Variants in FBXL2 observed in about 807,000 individuals in gnomAD.
FBXL2 encodes F-box/LRR-repeat protein 2.
Under a neutral mutation model 69.2 loss-of-function variants are expected in FBXL2, and 38 were observed. The observed-to-expected ratio is 0.55, with a 90% confidence interval of 0.42 to 0.72. The LOEUF is 0.72. FBXL2 is among the 30% of genes least tolerant of loss of function. FBXL2 has a pLI of 0.00. For missense variants in FBXL2, 354 were observed against 520.3 expected (o/e 0.68, Z 3.11); for synonymous variants, 192 against 201.3 (o/e 0.95, Z 0.39).
intron 12 of FBXL2, among the ~76,000 whole-genome samples, chr3:33,395,411 TACAA>T (rs2043935756): frequency 6.6e-6 from 1 of 152,020 alleles, no homozygotes; most frequent in Admixed American, 6.6e-5. Context: ...CATATATCCA[TACAA>T]TAAATGAGAA....
chr3:33,297,607 T>C (rs2035858919), intron 1 of FBXL2, 57 bp from the exon 2 acceptor site: 1 of 1,118,802 alleles, frequency 8.9e-7, no homozygotes, highest in South Asian at 1.4e-5. Flanking sequence ...AACAATTAAT[T>C]TTTTCCACAT....
the FBXL2 span, among the ~76,000 whole-genome samples, chr3:33,413,649 G>A: frequency 6.6e-6 from 1 of 151,676 alleles, no homozygotes; most frequent in Admixed American, 6.6e-5. Flanking sequence ...ACTTAGGCCA[G>A]GTGCGGTGGG....
chr3:33,367,813 T>C (rs536762883), intron 5 of FBXL2, among the ~76,000 whole-genome samples: 2 of 152,308 alleles, frequency 1.3e-5, no homozygotes, highest in East Asian at 3.9e-4. Context: ...GCTGAAGTCA[T>C]TGGTTTGAGA....
At chr3:33,278,076 T>C (rs953510056) in intron 1 of FBXL2, 1 of 152,142 alleles carries the variant, frequency 6.6e-6, no homozygotes, top group Non-Finnish European at 1.5e-5. Flanking sequence ...GGCATTAAGC[T>C]GGAGGGTTTT....
At chr3:33,404,327 G>A (rs564063419), downstream of FBXL2, among the ~76,000 whole-genome samples, 18 of 152,106 alleles carry the variant, frequency 1.2e-4, no homozygotes, top group African/African-American at 4.8e-5. Flanking sequence ...CAGGAGAATC[G>A]CTTGAACCTG....
rs199990568 is a variant in FBXL2 at position 33,373,323 on chromosome 3, G to A, written c.423G>A (p.Val141=). ...AACATCTGGATCTGACCTCCTGTGT[G>A]TCTATTACAAACAGCTCCTTGAAGG... ...KLKHLDLTSC[V]SITNSSLKGI... The change falls in exon 7 of 15, where the codon GTG becomes GTA. Residue 141 remains valine (V), a synonymous_variant. Coordinates refer to ENST00000484457, the MANE Select transcript of FBXL2 (RefSeq NM_012157.5). 122 of 1,614,004 alleles carry A rather than the reference G, an allele frequency of 7.6e-5. No homozygotes were observed. The highest frequency in any genetic ancestry group is 1.2e-4 in the Admixed American group (7 of 60,018).
At chr3:33,357,355 C>CA (rs2041273920) in intron 2 of FBXL2, among the ~76,000 whole-genome samples, 1 of 152,136 alleles carries the variant, frequency 6.6e-6, no homozygotes. Flanking sequence ...AGCTGATAAT[C>CA]AGATGTGGCT....
the FBXL2 span, among the ~76,000 whole-genome samples, chr3:33,421,085 G>C: frequency 6.6e-6 from 1 of 152,196 alleles, no homozygotes; most frequent in Non-Finnish European, 1.5e-5. Flanking sequence ...AGGTGTGGAA[G>C]CATCACAGGC....
chr3:33,331,099 A>AT (rs771440369), intron 2 of FBXL2, among the ~76,000 whole-genome samples: 291 of 152,048 alleles, frequency 1.9e-3, no homozygotes, highest in Middle Eastern at 3.4e-3. Context: ...CATTTGCTAT[A>AT]ATAATGGAAG....
chr3:33,329,376 A>T (rs562852375), intron 2 of FBXL2, among the ~76,000 whole-genome samples: 2 of 152,294 alleles, frequency 1.3e-5, no homozygotes, highest in South Asian at 2.1e-4. Flanking sequence ...AAAAAATTTT[A>T]AAATAGAACT....
At chr3:33,401,828 T>G (rs2044239562) in intron 12 of FBXL2, among the ~76,000 whole-genome samples, 1 of 152,192 alleles carries the variant, frequency 6.6e-6, no homozygotes, top group South Asian at 2.1e-4. Context: ...CATAAGCATT[T>G]TCTAAGATTA....
intron 2 of FBXL2, among the ~76,000 whole-genome samples, chr3:33,316,351 G>A (rs927083367): frequency 1.3e-5 from 2 of 151,954 alleles, no homozygotes; most frequent in African/African-American, 4.8e-5. Flanking sequence ...GAGCCACCAC[G>A]CCGAGCCACC....
the FBXL2 span, among the ~76,000 whole-genome samples, chr3:33,411,120 A>C: frequency 1.3e-5 from 2 of 151,834 alleles, no homozygotes; most frequent in East Asian, 3.9e-4. Context: ...AAGGGGGCGG[A>C]AACTACTAAA....
chr3:33,359,076 G>T, intron 3 of FBXL2, 55 bp downstream of exon 3: 2 of 1,218,732 alleles, frequency 1.6e-6, no homozygotes, highest in Non-Finnish European at 2.3e-6. Context: ...ATTAGAATGA[G>T]TTTTAGTTCA....
intron 12 of FBXL2, chr3:33,401,101 A>T: frequency 7.7e-7 from 1 of 1,293,634 alleles, no homozygotes; most frequent in Non-Finnish European, 1.1e-6. Context: ...GTTGCATTGT[A>T]ACTATGCAAA....
chr3:33,324,847 G>A (rs2038555136), intron 2 of FBXL2, among the ~76,000 whole-genome samples: 1 of 152,096 alleles, frequency 6.6e-6, no homozygotes, highest in African/African-American at 2.4e-5. Context: ...AAGAAAGTCA[G>A]TGGTGGCTTC....
chr3:33,364,799 C>G, intron 5 of FBXL2, 80 bp downstream of exon 5: 2 of 1,161,888 alleles, frequency 1.7e-6, no homozygotes, highest in Non-Finnish European at 2.6e-6. Context: ...CTATTACATG[C>G]TCTTCTTCTG....
chr3:33,411,483 A>G, the FBXL2 span: 1 of 1,019,054 alleles, frequency 9.8e-7, no homozygotes, highest in Non-Finnish European at 1.5e-6. Flanking sequence ...TAGTTTATAA[A>G]TAGACATTTA....
rs370111503 is a variant in FBXL2, at chr3:33,385,981, G to A, written c.*373G>A. 6.3e-4 allele frequency: 122 copies of A among 192,630 alleles called. 1 individual carries two copies. In the South Asian group the frequency reaches 0.012, roughly 19 times the overall value. 11.9% of individuals were successfully genotyped at this position (192,630 alleles called of 1,614,324 possible). On this transcript the variant is annotated 3_prime_UTR_variant, in exon 15 of 15. Transcript: ENST00000484457. ...AGCACAAACTGAGCAGAAAAAATAAGCTGTTGATTTTCTACCTGATACTTA... is the reference window on the plus strand; with the variant it reads ...AGCACAAACTGAGCAGAAAAAATAAACTGTTGATTTTCTACCTGATACTTA...
Sources: allele counts gnomAD v4.1 joint callset (sites outside exome capture counted in the v4.1 genomes callset), GRCh38; gene constraint gnomAD v4.1.1; transcripts MANE v1.5; gene names NCBI Gene and HGNC (gene_info 2026-07-23, HGNC 2026-07-21).